Variants in EDIL3 observed in about 807,000 individuals in gnomAD.
EDIL3 encodes the protein EGF-like repeat and discoidin I-like domain-containing protein 3.
Under a neutral mutation model 67.4 loss-of-function variants are expected in EDIL3, and 37 were observed. The observed-to-expected ratio is 0.55, with a 90% CI of 0.42 to 0.72. EDIL3 has a LOEUF of 0.72. Ranked by LOEUF, EDIL3 falls within the 30% of genes least tolerant of loss-of-function variation. The probability of loss-of-function intolerance (pLI) is 0.00; values close to 1 mark genes in which losing one functional copy is unlikely to be tolerated. For missense variants in EDIL3, 527 were observed against 586.3 expected (o/e 0.90, Z 1.04); for synonymous variants, 195 against 196.3 (o/e 0.99, Z 0.05).
intron 9 of EDIL3, among the ~76,000 whole-genome samples, chr5:84,049,090 T>C (rs1426362436): frequency 1.3e-5 from 2 of 152,152 alleles, no homozygotes; most frequent in Admixed American, 1.3e-4. Flanking sequence ...TGGCAAATGA[T>C]AAATTACTCA....
intron 2 of EDIL3, among the ~76,000 whole-genome samples, chr5:84,251,976 A>G (rs1343667406): frequency 6.6e-6 from 1 of 152,184 alleles, no homozygotes; most frequent in African/African-American, 2.4e-5. Context: ...TAACTATCCA[A>G]TTTCTGAATA....
chr5:84,299,601 C>T (rs547260124), intron 1 of EDIL3, among the ~76,000 whole-genome samples: 4 of 152,202 alleles, frequency 2.6e-5, no homozygotes, highest in African/African-American at 9.6e-5. Flanking sequence ...AACTTATATT[C>T]AATTGTTTCA....
At chr5:84,297,921 C>A (rs1003328065) in intron 1 of EDIL3, among the ~76,000 whole-genome samples, 2 of 152,110 alleles carry the variant, frequency 1.3e-5, no homozygotes, top group South Asian at 2.1e-4. Context: ...GATTTTATGC[C>A]CTGGGCTTAG....
chr5:84,061,259 A>G lies in EDIL3; in HGVS notation c.953-775T>C, dbSNP rs150664316. Reference sequence around the variant, plus strand: ...TTTGTAAGATTCTCAAATCTACCACATGTATTTTTGAGTTTAATACGGTAA... The same window carrying G: ...TTTGTAAGATTCTCAAATCTACCACGTGTATTTTTGAGTTTAATACGGTAA... On this transcript the variant is annotated intron_variant, in intron 8 of 10. Transcript: ENST00000296591. Among the ~76,000 whole-genome samples, 1,515 of 152,264 alleles carry G rather than the reference A, an allele frequency of 9.9e-3. 7 individuals are homozygous for G. The highest frequency in any genetic ancestry group is 0.027 in the Middle Eastern group (8 of 294).
intron 4 of EDIL3, among the ~76,000 whole-genome samples, chr5:84,166,478 A>G (rs1402296397): frequency 6.6e-6 from 1 of 152,172 alleles, no homozygotes; most frequent in Non-Finnish European, 1.5e-5. Context: ...AGGCTCATTC[A>G]TTCATTTGTT....
intron 1 of EDIL3, among the ~76,000 whole-genome samples, chr5:84,382,614 TC>T (rs994781516): frequency 1.2e-4 from 18 of 151,924 alleles, no homozygotes; most frequent in Admixed American, 5.2e-4. Context: ...CTGCAGTCCT[TC>T]CCCCTTCCCT....
intron 2 of EDIL3, among the ~76,000 whole-genome samples, chr5:84,243,516 G>A (rs1265878874): frequency 6.6e-6 from 1 of 151,866 alleles, no homozygotes; most frequent in East Asian, 1.9e-4. Context: ...AATGAGTTCT[G>A]TGTCCAGTGG....
At chr5:84,312,806 T>A (rs1197666883) in intron 1 of EDIL3, among the ~76,000 whole-genome samples, 2 of 152,228 alleles carry the variant, frequency 1.3e-5, no homozygotes, top group Non-Finnish European at 2.9e-5. Flanking sequence ...AAATAATCCA[T>A]CAAAGTGCTC....
intron 6 of EDIL3, among the ~76,000 whole-genome samples, chr5:84,088,526 T>G (rs968697007): frequency 3.9e-5 from 6 of 152,178 alleles, no homozygotes; most frequent in African/African-American, 1.2e-4. Context: ...CTTCTAAAAT[T>G]CAGTACTTCA....
intron 1 of EDIL3, among the ~76,000 whole-genome samples, chr5:84,327,926 T>C (rs1422971867): frequency 6.6e-6 from 1 of 152,054 alleles, no homozygotes; most frequent in Non-Finnish European, 1.5e-5. Flanking sequence ...CTCAGTTTTA[T>C]ATGGGGACAG....
intron 4 of EDIL3, among the ~76,000 whole-genome samples, chr5:84,153,820 T>C (rs988672003): frequency 7.9e-5 from 12 of 152,202 alleles, no homozygotes; most frequent in Non-Finnish European, 1.5e-5. Flanking sequence ...TTCTGTTCTG[T>C]AGTCATGTTC....
intron 9 of EDIL3, among the ~76,000 whole-genome samples, chr5:84,046,552 G>A (rs756603081): frequency 1.4e-4 from 22 of 152,074 alleles, no homozygotes; most frequent in Non-Finnish European, 2.8e-4. Context: ...CTTAGCTCAC[G>A]GAGAGGGCTG....
intron 9 of EDIL3, among the ~76,000 whole-genome samples, chr5:84,029,371 C>A (rs573056353): frequency 3.9e-5 from 6 of 152,186 alleles, no homozygotes; most frequent in Non-Finnish European, 8.8e-5. Flanking sequence ...CCTTCCGCAA[C>A]GATTGTGAGG....
chr5:83,943,656 A>C, intron 10 of EDIL3, 88 bp from the exon 11 acceptor site: 1 of 1,472,166 alleles, frequency 6.8e-7, no homozygotes, highest in Non-Finnish European at 9.2e-7. Flanking sequence ...ATTTTCCCCA[A>C]ACATGATATT....
At chr5:84,311,541 G>A (rs1373998426) in intron 1 of EDIL3, among the ~76,000 whole-genome samples, 3 of 151,734 alleles carry the variant, frequency 2.0e-5, no homozygotes, top group African/African-American at 7.3e-5. Flanking sequence ...CTGGTTATGG[G>A]TAGTAGGGTG....
rs530572979 is a variant in EDIL3, at chr5:84,250,845, G to T, written c.196+3239C>A. On this transcript the variant is annotated intron_variant, in intron 2 of 10. Coordinates refer to ENST00000296591, the MANE Select transcript of EDIL3 (RefSeq NM_005711.5). ...GATTCAGAATTTCATAATATATATG[G>T]CTCAAAATTCATATGGTCTGAAATG... Among the ~76,000 whole-genome samples the T allele has an allele frequency of 1.1e-4, 17 of 152,100 alleles. No individual in the cohort carries two copies. The South Asian group carries it at 3.1e-3, about 28-fold the overall frequency.
At chr5:84,074,246 G>T (rs200832243) in intron 6 of EDIL3, among the ~76,000 whole-genome samples, 150 of 144,566 alleles carry the variant, frequency 1.0e-3, no homozygotes, top group African/African-American at 2.8e-3. Flanking sequence ...ATAAACACCC[G>T]AGAAGAAAAC....
intron 9 of EDIL3, among the ~76,000 whole-genome samples, chr5:84,028,398 T>G (rs1745855775): frequency 6.6e-6 from 1 of 152,164 alleles, no homozygotes; most frequent in African/African-American, 2.4e-5. Context: ...GGAAACGTAG[T>G]GAGTTATTAT....
At chr5:84,340,528 CTCTCTCTATATATATA>C (rs1486233875) in intron 1 of EDIL3, among the ~76,000 whole-genome samples, 22 of 71,554 alleles carry the variant, frequency 3.1e-4, no homozygotes, top group South Asian at 2.5e-3. Flanking sequence ...CTCTCTCTCT[CTCTCTCTATATATATA>C]TATATATATA....
Sources: gnomAD v4.1 joint callset for allele counts (sites outside exome capture counted in the v4.1 genomes callset) on GRCh38, gnomAD v4.1.1 for gene constraint, MANE v1.5 for transcripts, NCBI Gene and HGNC (gene_info 2026-07-23, HGNC 2026-07-21) for gene names.